The following AGBL1 variants were observed in gnomAD, a reference collection of about 807,000 sequenced individuals.
AGBL1 encodes the protein cytosolic carboxypeptidase 4.
A neutral mutation model predicts 118.9 loss-of-function variants in AGBL1; 130 were observed. The ratio of observed to expected loss-of-function variants is 1.09; its 90% CI spans 0.95 to 1.26. AGBL1 has a LOEUF of 1.26. Ranked by LOEUF, AGBL1 falls within the 50% of genes most tolerant of loss-of-function variation. The pLI is 0.00. For missense variants in AGBL1, 1,584 were observed against 1,298.1 expected, an observed-to-expected ratio of 1.22 and a Z score of -3.38; for synonymous variants, 555 against 478.9, an observed-to-expected ratio of 1.16 and a Z score of -2.08.
At chr15:86,864,926 T>C (rs1469296671) in intron 22 of AGBL1, among the ~76,000 whole-genome samples, 3 of 152,182 alleles carry the variant, frequency 2.0e-5, no homozygotes, top group Non-Finnish European at 4.4e-5. Context: ...CATATTTTGA[T>C]TTTTCAGAGC....
intron 7 of AGBL1, among the ~76,000 whole-genome samples, chr15:86,251,967 G>A (rs558917725): frequency 6.6e-6 from 1 of 152,286 alleles, no homozygotes; most frequent in South Asian, 2.1e-4. Flanking sequence ...AGTTTAAGGG[G>A]CCTGAAAGGT....
chr15:86,759,488 G>A (rs1406292504), intron 22 of AGBL1, among the ~76,000 whole-genome samples: 1 of 152,084 alleles, frequency 6.6e-6, no homozygotes, highest in Non-Finnish European at 1.5e-5. Context: ...TCAAGGAAGT[G>A]CCCCCAAATG....
chr15:86,544,148 C>G (rs958785557), intron 19 of AGBL1, among the ~76,000 whole-genome samples: 2 of 152,176 alleles, frequency 1.3e-5, no homozygotes, highest in Admixed American at 1.3e-4. Flanking sequence ...GTGGCTTAAA[C>G]AAAAGCTATG....
chr15:86,085,650 C>T (rs907286511), intron 1 of AGBL1, among the ~76,000 whole-genome samples: 1 of 152,208 alleles, frequency 6.6e-6, no homozygotes, highest in Non-Finnish European at 1.5e-5. Flanking sequence ...TTCAGCCCCT[C>T]CTGTCGCTTA....
In AGBL1 at chr15:86,269,918, G is replaced by A. The variant is rs775910790; in HGVS notation, c.1839-1G>A. On this transcript the variant is annotated splice_acceptor_variant, in intron 13 of 22. Transcript: ENST00000614907. LOFTEE classifies it high-confidence loss of function. Reference sequence around the variant, plus strand: ...CCTCCAGTCTTGCTTCTGATCTGCAGGTTCGAGTATGACTTGCTGGTCAAC... The same window carrying A: ...CCTCCAGTCTTGCTTCTGATCTGCAAGTTCGAGTATGACTTGCTGGTCAAC... 4 of 1,613,392 alleles carry A rather than the reference G, an allele frequency of 2.5e-6. No homozygotes were observed. The highest frequency in any genetic ancestry group is 1.7e-5 in the Admixed American group (1 of 59,978).
At chr15:86,619,723 CTG>C (rs1386066129) in intron 21 of AGBL1, among the ~76,000 whole-genome samples, 2 of 152,150 alleles carry the variant, frequency 1.3e-5, no homozygotes, top group Non-Finnish European at 2.9e-5. Context: ...ACAACTCAGA[CTG>C]TGACAAGCAG....
intron 17 of AGBL1, among the ~76,000 whole-genome samples, chr15:86,301,954 C>T (rs943734868): frequency 5.9e-5 from 9 of 152,214 alleles, no homozygotes; most frequent in Admixed American, 2.6e-4. Flanking sequence ...ATATATAAAA[C>T]GCATCAAAAC....
chr15:86,224,865 GA>G, intron 5 of AGBL1, 48 bp from the exon 6 acceptor site: 1 of 1,601,576 alleles, frequency 6.2e-7, no homozygotes. Context: ...CATGTGCTGA[GA>G]AAAAGACCAT....
chr15:86,920,544 T>C (rs931426472), downstream of AGBL1, among the ~76,000 whole-genome samples: 13 of 152,172 alleles, frequency 8.5e-5, no homozygotes, highest in Admixed American at 5.9e-4. Context: ...GCAGATTTCA[T>C]TGGGTTTATT....
chr15:86,616,166 G>A (rs763443458), intron 21 of AGBL1, among the ~76,000 whole-genome samples: 5 of 151,736 alleles, frequency 3.3e-5, no homozygotes, highest in Non-Finnish European at 4.4e-5. Flanking sequence ...GTGAAATTCC[G>A]TCTCTACTAA....
chr15:86,829,552 A>G (rs1025681738), intron 22 of AGBL1, among the ~76,000 whole-genome samples: 1 of 152,172 alleles, frequency 6.6e-6, no homozygotes, highest in Non-Finnish European at 1.5e-5. Flanking sequence ...ACCACTTGCC[A>G]TTTGAAAAAA....
chr15:86,083,719 G>A (rs1002609305), intron 1 of AGBL1: 1 of 152,080 alleles, frequency 6.6e-6, no homozygotes, highest in African/African-American at 2.4e-5. Context: ...TTAGCTTCTG[G>A]GCTACAAATA....
chr15:86,389,406 A>G (rs1309133317), intron 17 of AGBL1, among the ~76,000 whole-genome samples: 1 of 152,196 alleles, frequency 6.6e-6, no homozygotes, highest in Non-Finnish European at 1.5e-5. Flanking sequence ...CAAGGGTGAT[A>G]CGATTTTATG....
chr15:86,139,987 A>T (rs1314097837), intron 1 of AGBL1: 1 of 161,578 alleles, frequency 6.2e-6, no homozygotes, highest in Non-Finnish European at 1.4e-5. Flanking sequence ...CTCCACCTTC[A>T]TGATCTAAAT....
At chr15:86,393,232 A>G (rs757716530) in intron 17 of AGBL1, among the ~76,000 whole-genome samples, 2 of 152,198 alleles carry the variant, frequency 1.3e-5, no homozygotes, top group Admixed American at 6.5e-5. Context: ...CAATGGAAAG[A>G]GACACATTGT....
chr15:86,763,059 G>C (rs2078048473), intron 22 of AGBL1, among the ~76,000 whole-genome samples: 1 of 152,038 alleles, frequency 6.6e-6, no homozygotes, highest in South Asian at 2.1e-4. Context: ...CAGAAGATGT[G>C]AGCAGTTGCT....
In AGBL1 at chr15:86,365,001, A is replaced by ATATATG. The variant is rs1555472720; in HGVS notation, c.2375-32360_2375-32359insGTATAT. On this transcript the variant is annotated intron_variant, in intron 17 of 22. Coordinates refer to ENST00000614907, the MANE Select transcript of AGBL1 (RefSeq NM_001386094.1). ...TATATATATATATACACACACACAT[A>ATATATG]TATATATACACACACATATATATAT... Among the ~76,000 whole-genome samples the ATATATG allele has an allele frequency of 6.6e-3, 867 of 131,636 alleles. 28 individuals carry two copies. Among genetic ancestry groups the ATATATG allele is most frequent in the South Asian group, 0.015 (65 of 4,252 alleles). The allele number at this position is 131,636 out of a possible 152,430, so 86.4% of individuals were successfully genotyped here.
intron 23 of AGBL1, among the ~76,000 whole-genome samples, chr15:86,945,624 G>A (rs1046489244): frequency 6.6e-6 from 1 of 152,204 alleles, no homozygotes; most frequent in African/African-American, 2.4e-5. Context: ...AGTGAGCTGA[G>A]ATTGTGCCAC....
At chr15:86,883,319 G>GGC (rs2079922399) in intron 22 of AGBL1, among the ~76,000 whole-genome samples, 1 of 152,094 alleles carries the variant, frequency 6.6e-6, no homozygotes, top group South Asian at 2.1e-4. Flanking sequence ...CTCAGCTTCA[G>GGC]GCCTCCCTCT....
Sources: gnomAD v4.1 joint callset for allele counts (sites outside exome capture counted in the v4.1 genomes callset) on GRCh38, gnomAD v4.1.1 for gene constraint, MANE v1.5 for transcripts, NCBI Gene and HGNC (gene_info 2026-07-23, HGNC 2026-07-21) for gene names.